The following CDH13 variants were observed in gnomAD, a reference collection of about 807,000 sequenced individuals.
The protein encoded by CDH13 is cadherin 13.
CDH13 carries 24 observed loss-of-function variants against 63.8 expected under a neutral mutation model. That is an observed-to-expected ratio of 0.38 (90% CI 0.27 to 0.53). CDH13 has a LOEUF of 0.53. Among genes scored for constraint, CDH13 ranks in the 20% least tolerant of loss-of-function variants. The pLI is 0.85. For missense variants in CDH13, 1,049 were observed against 903.1 expected (o/e 1.16, Z -2.07); for synonymous variants, 503 against 355.3 (o/e 1.42, Z -4.67).
At chr16:83,145,964 C>T (rs569432369) in intron 4 of CDH13, among the ~76,000 whole-genome samples, 77 of 152,094 alleles carry the variant, frequency 5.1e-4, no homozygotes, top group Middle Eastern at 3.4e-3. Context: ...GAGGCCGAGG[C>T]GGGTGGATTA....
intron 4 of CDH13, among the ~76,000 whole-genome samples, chr16:83,133,504 G>A (rs2036147058): frequency 6.6e-6 from 1 of 152,072 alleles, no homozygotes; most frequent in South Asian, 2.1e-4. Flanking sequence ...CTCCTCAGTG[G>A]AATTATGTTT....
intron 1 of CDH13, among the ~76,000 whole-genome samples, chr16:82,677,868 T>A (rs529714848): frequency 2.6e-5 from 4 of 152,322 alleles, no homozygotes; most frequent in African/African-American, 9.6e-5. Context: ...ATCAAACTAA[T>A]CCAAGTGAAT....
chr16:82,730,334 T>A (rs185317818), intron 1 of CDH13, among the ~76,000 whole-genome samples: 1 of 152,286 alleles, frequency 6.6e-6, no homozygotes, highest in East Asian at 1.9e-4. Context: ...CTTGAGCATT[T>A]AGAGACCATT....
chr16:82,704,501 A>G (rs2031318595), intron 1 of CDH13, among the ~76,000 whole-genome samples: 1 of 152,176 alleles, frequency 6.6e-6, no homozygotes, highest in African/African-American at 2.4e-5. Flanking sequence ...TTACTCCTCC[A>G]CATCTCAAGA....
chr16:83,706,208 C>A (rs751379606), intron 10 of CDH13, among the ~76,000 whole-genome samples: 1 of 152,196 alleles, frequency 6.6e-6, no homozygotes, highest in Non-Finnish European at 1.5e-5. Flanking sequence ...CTCCACGAGG[C>A]CTGGGCTCTC....
chr16:83,300,154 C>A (rs891026896), intron 5 of CDH13, among the ~76,000 whole-genome samples: 2 of 152,126 alleles, frequency 1.3e-5, no homozygotes, highest in Non-Finnish European at 2.9e-5. Context: ...CATTAAAGAC[C>A]ATCTTTGAAG....
chr16:82,714,015 T>A (rs1023883573), intron 1 of CDH13, among the ~76,000 whole-genome samples: 1 of 152,080 alleles, frequency 6.6e-6, no homozygotes, highest in African/African-American at 2.4e-5. Flanking sequence ...GCCAGGCTGG[T>A]CTCACACTCC....
At chr16:83,030,882 C>T (rs1232660959) in intron 2 of CDH13, among the ~76,000 whole-genome samples, 1 of 151,954 alleles carries the variant, frequency 6.6e-6, no homozygotes, top group Non-Finnish European at 1.5e-5. Context: ...TAGATTCCCA[C>T]CATCCCTGCC....
At chr16:82,868,506 C>A (rs984836882) in intron 2 of CDH13, among the ~76,000 whole-genome samples, 3 of 152,146 alleles carry the variant, frequency 2.0e-5, no homozygotes, top group African/African-American at 7.2e-5. Flanking sequence ...GTTTAGAGAT[C>A]CTTCCATTGG....
chr16:83,657,958 G>C (rs1253052801), intron 8 of CDH13, among the ~76,000 whole-genome samples: 1 of 148,344 alleles, frequency 6.7e-6, no homozygotes, highest in Non-Finnish European at 1.5e-5. Context: ...ATCCTCACCA[G>C]CAAGGTCTCA....
chr16:82,755,954 T>C (rs895240551), intron 1 of CDH13, among the ~76,000 whole-genome samples: 1 of 152,198 alleles, frequency 6.6e-6, no homozygotes, highest in Non-Finnish European at 1.5e-5. Context: ...CTTTACATGT[T>C]GGATTGCTTC....
At chr16:83,424,854 C>T (rs561382871) in intron 6 of CDH13, among the ~76,000 whole-genome samples, 131 of 152,300 alleles carry the variant, frequency 8.6e-4, no homozygotes, top group Non-Finnish European at 4.4e-5. Flanking sequence ...TGTGCACTCT[C>T]CCTTTGTTCT....
chr16:83,792,009 T>G (rs1567599782), intron 13 of CDH13, among the ~76,000 whole-genome samples: 2 of 152,236 alleles, frequency 1.3e-5, no homozygotes, highest in Non-Finnish European at 2.9e-5. Context: ...TTGATCCCCT[T>G]TCCGCAATCC....
At chr16:82,630,032 C>G (rs1455108309) in intron 1 of CDH13, among the ~76,000 whole-genome samples, 3 of 152,150 alleles carry the variant, frequency 2.0e-5, no homozygotes, top group Admixed American at 6.5e-5. Flanking sequence ...GAAAATGTTC[C>G]ATGGAATTCT....
At chr16:83,297,344 T>C (rs1003439720) in intron 5 of CDH13, among the ~76,000 whole-genome samples, 1 of 152,228 alleles carries the variant, frequency 6.6e-6, no homozygotes, top group Admixed American at 6.5e-5. Flanking sequence ...TTGTACCACA[T>C]AAATTATTAA....
At chr16:82,982,775 C>T (rs1321682706) in intron 2 of CDH13, among the ~76,000 whole-genome samples, 1 of 152,178 alleles carries the variant, frequency 6.6e-6, no homozygotes, top group East Asian at 1.9e-4. Context: ...GTTCCTTGTC[C>T]TGATGAGCTT....
chr16:82,989,604 A>C (rs1911398671), intron 2 of CDH13, among the ~76,000 whole-genome samples: 1 of 152,180 alleles, frequency 6.6e-6, no homozygotes, highest in Non-Finnish European at 1.5e-5. Flanking sequence ...GGCTGTGTGG[A>C]CCAGTGATAC....
chr16:83,179,426 C>T (rs112905775), intron 4 of CDH13, among the ~76,000 whole-genome samples: 4 of 146,198 alleles, frequency 2.7e-5, no homozygotes, highest in African/African-American at 1.0e-4. Context: ...GGTGGATCAC[C>T]TGAGATCAGG....
intron 2 of CDH13, among the ~76,000 whole-genome samples, chr16:82,988,574 C>T (rs1911249786): frequency 6.6e-6 from 1 of 151,946 alleles, no homozygotes; most frequent in South Asian, 2.1e-4. Context: ...CCTGCCTGGC[C>T]AACATGGTGA....
Sources: gnomAD v4.1 joint callset for allele counts (sites outside exome capture counted in the v4.1 genomes callset) on GRCh38, gnomAD v4.1.1 for gene constraint, MANE v1.5 for transcripts, NCBI Gene and HGNC (gene_info 2026-07-23, HGNC 2026-07-21) for gene names.